EDIL3: variants seen among roughly 807,000 people sequenced by gnomAD.
EDIL3 encodes EGF-like repeat and discoidin I-like domain-containing protein 3.
A neutral mutation model predicts 67.4 loss-of-function variants in EDIL3; 37 were observed. The ratio of observed to expected loss-of-function variants is 0.55; its 90% CI spans 0.42 to 0.72. EDIL3 has a LOEUF of 0.72. Among genes scored for constraint, EDIL3 ranks in the 30% least tolerant of loss-of-function variants. The probability of loss-of-function intolerance (pLI) is 0.00; values close to 1 mark genes in which losing one functional copy is unlikely to be tolerated. For synonymous variants in EDIL3, 195 were observed against 196.3 expected (o/e 0.99, Z 0.05); for missense variants, 527 against 586.3 (o/e 0.90, Z 1.04).
At chr5:84,023,665 A>G (rs1745757497) in intron 9 of EDIL3, among the ~76,000 whole-genome samples, 1 of 152,066 alleles carries the variant, frequency 6.6e-6, no homozygotes, top group African/African-American at 2.4e-5. Context: ...GCATTTGGCT[A>G]CTCAGATTGC....
intron 4 of EDIL3, among the ~76,000 whole-genome samples, chr5:84,138,665 AT>A (rs1023596833): frequency 4.9e-4 from 74 of 150,170 alleles, no homozygotes; most frequent in African/African-American, 1.3e-3. Flanking sequence ...TTCTTTTGAC[AT>A]TTTTTTTTTC....
At chr5:84,001,002 T>C (rs1745321303) in intron 9 of EDIL3, among the ~76,000 whole-genome samples, 1 of 152,128 alleles carries the variant, frequency 6.6e-6, no homozygotes, top group South Asian at 2.1e-4. Context: ...GAGGAAAGTT[T>C]ATAGCAATAA....
chr5:84,042,303 G>C (rs1358390487), intron 9 of EDIL3, among the ~76,000 whole-genome samples: 1 of 147,564 alleles, frequency 6.8e-6, no homozygotes, highest in East Asian at 2.0e-4. Flanking sequence ...TTTTTTTTGA[G>C]ACGGAGTCTT....
chr5:84,159,491 A>AT (rs1383767847), intron 4 of EDIL3, among the ~76,000 whole-genome samples: 2 of 151,964 alleles, frequency 1.3e-5, no homozygotes, highest in Non-Finnish European at 1.5e-5. Flanking sequence ...TGTTAAGTAT[A>AT]TTTTTTTCAT....
At chr5:84,053,578 G>A (rs1399696912) in intron 9 of EDIL3, among the ~76,000 whole-genome samples, 1 of 151,978 alleles carries the variant, frequency 6.6e-6, no homozygotes, top group African/African-American at 2.4e-5. Context: ...TAATAAAGAA[G>A]AAAAGAGAGA....
At chr5:83,957,243 C>T (rs1264754801) in intron 10 of EDIL3, among the ~76,000 whole-genome samples, 1 of 151,660 alleles carries the variant, frequency 6.6e-6, no homozygotes, top group African/African-American at 2.4e-5. Flanking sequence ...CAGCTGCTCC[C>T]TCTTGAAAGA....
chr5:84,332,553 C>T (rs1041516200), intron 1 of EDIL3, among the ~76,000 whole-genome samples: 2 of 152,162 alleles, frequency 1.3e-5, no homozygotes, highest in African/African-American at 4.8e-5. Flanking sequence ...AATCTCCCTT[C>T]TTTTCAGGTA....
chr5:84,340,530 C>CTATA (rs1352790553), intron 1 of EDIL3, among the ~76,000 whole-genome samples: 69 of 69,720 alleles, frequency 9.9e-4, no homozygotes, highest in Non-Finnish European at 1.6e-3. Context: ...CTCTCTCTCT[C>CTATA]TCTCTATATA....
At chr5:84,267,676 A>C (rs1162261197) in intron 1 of EDIL3, among the ~76,000 whole-genome samples, 1 of 152,236 alleles carries the variant, frequency 6.6e-6, no homozygotes, top group Admixed American at 6.5e-5. Flanking sequence ...TATGTATCTG[A>C]ACAAGGGATT....
At position 84,341,875 on chromosome 5, in the gene EDIL3, T is replaced by C. The variant is rs1410392197; in HGVS notation, c.67+42433A>G. The stretch of plus-strand genomic sequence containing the variant: ...GTTTTAGCTAGGAGTATAATGCAAG[T>C]ATTATAGTTTATTTTAATATAGATT... On this transcript the variant is annotated intron_variant, in intron 1 of 10. Coordinates refer to ENST00000296591, the MANE Select transcript of EDIL3 (RefSeq NM_005711.5). Among the ~76,000 whole-genome samples the C allele has an allele frequency of 9.2e-5, 14 of 152,192 alleles. No homozygotes were observed. The East Asian group carries it at 2.7e-3, about 29-fold the overall frequency.
intron 9 of EDIL3, among the ~76,000 whole-genome samples, chr5:83,991,281 A>T (rs914041133): frequency 6.6e-6 from 1 of 152,148 alleles, no homozygotes; most frequent in African/African-American, 2.4e-5. Context: ...AACAACATAA[A>T]TAGTAAGATC....
intron 9 of EDIL3, among the ~76,000 whole-genome samples, chr5:83,965,006 A>G (rs1280767805): frequency 6.6e-6 from 1 of 152,080 alleles, no homozygotes; most frequent in African/African-American, 2.4e-5. Context: ...CAGATGAATA[A>G]TTTAATATCA....
chr5:84,354,810 A>T (rs911805696), intron 1 of EDIL3, among the ~76,000 whole-genome samples: 7 of 152,254 alleles, frequency 4.6e-5, no homozygotes, highest in East Asian at 3.9e-4. Context: ...TTATACCTTA[A>T]CAATCTTCAT....
chr5:84,155,540 T>C (rs1182081270), intron 4 of EDIL3, among the ~76,000 whole-genome samples: 2 of 152,222 alleles, frequency 1.3e-5, no homozygotes, highest in Admixed American at 6.5e-5. Context: ...ACTCCATTCC[T>C]GTGTTTTCTC....
chr5:83,948,321 T>C (rs1744349275), intron 10 of EDIL3, among the ~76,000 whole-genome samples: 1 of 151,752 alleles, frequency 6.6e-6, no homozygotes, highest in African/African-American at 2.4e-5. Flanking sequence ...AATTTATTTT[T>C]ATATACTTAG....
At chr5:84,312,750 T>C (rs1251976552) in intron 1 of EDIL3, among the ~76,000 whole-genome samples, 1 of 152,232 alleles carries the variant, frequency 6.6e-6, no homozygotes, top group African/African-American at 2.4e-5. Context: ...TTAGCATTTT[T>C]GGATCCTTTT....
At chr5:84,335,091 A>T (rs1746959281) in intron 1 of EDIL3, among the ~76,000 whole-genome samples, 2 of 152,076 alleles carry the variant, frequency 1.3e-5, no homozygotes, top group African/African-American at 2.4e-5. Flanking sequence ...CACAGTGATG[A>T]CTTCTCATTA....
intron 4 of EDIL3, among the ~76,000 whole-genome samples, chr5:84,148,628 T>C (rs1748329097): frequency 6.6e-6 from 1 of 152,104 alleles, no homozygotes; most frequent in Non-Finnish European, 1.5e-5. Flanking sequence ...GCTGGGTGGC[T>C]AGATTTCCCT....
rs117778281 is a variant in EDIL3 at position 84,131,817 on chromosome 5, A to G, written c.469+5424T>C. On this transcript the variant is annotated intron_variant, in intron 5 of 10. Coordinates refer to ENST00000296591, the MANE Select transcript of EDIL3 (RefSeq NM_005711.5). ...ATTTGTCTTTTAAAAAGCAATAATTAAATATTGAGCATAACAATACAAATC... is the reference window on the plus strand; with the variant it reads ...ATTTGTCTTTTAAAAAGCAATAATTGAATATTGAGCATAACAATACAAATC... Among the ~76,000 whole-genome samples the G allele has an allele frequency of 9.7e-3, 1,478 of 152,324 alleles. 58 individuals carry two copies. In the East Asian group the frequency reaches 0.098, roughly 10 times the overall value.
Sources: allele counts gnomAD v4.1 joint callset (sites outside exome capture counted in the v4.1 genomes callset), GRCh38; gene constraint gnomAD v4.1.1; transcripts MANE v1.5; gene names NCBI Gene and HGNC (gene_info 2026-07-23, HGNC 2026-07-21).